Variants in PRKCQ observed in about 807,000 individuals in gnomAD.
The protein encoded by PRKCQ is protein kinase C theta.
PRKCQ carries 41 observed loss-of-function variants against 91.2 expected under a neutral mutation model. That is an observed-to-expected ratio of 0.45 (90% confidence interval 0.35 to 0.58). The LOEUF (loss-of-function observed/expected upper bound fraction) is 0.58. Ranked by LOEUF, PRKCQ falls within the 20% of genes least tolerant of loss-of-function variation. The pLI is 0.00. For missense variants in PRKCQ, 673 were observed against 896.5 expected (o/e 0.75, Z 3.18); for synonymous variants, 307 against 316.9 (o/e 0.97, Z 0.33).
chr10:6,502,974 C>T (rs184738841), intron 4 of PRKCQ, among the ~76,000 whole-genome samples: 324 of 152,250 alleles, frequency 2.1e-3, no homozygotes, highest in Non-Finnish European at 3.2e-3. Flanking sequence ...GAGTCTGAAC[C>T]ATAGGAATGT....
At chr10:6,580,303 G>C (rs529889424), upstream of PRKCQ, 1 of 147,196 alleles carries the variant, frequency 6.8e-6, no homozygotes, top group Non-Finnish European at 1.5e-5. Flanking sequence ...GGCTGGCGGG[G>C]CTGGCGGGGC....
At chr10:6,572,071 T>C (rs1053838967) in intron 1 of PRKCQ, among the ~76,000 whole-genome samples, 3 of 152,190 alleles carry the variant, frequency 2.0e-5, no homozygotes, top group African/African-American at 7.2e-5. Context: ...TATGGGGCTT[T>C]CTGAATGACT....
At chr10:6,511,394 T>C (rs1389805032) in intron 2 of PRKCQ, among the ~76,000 whole-genome samples, 200 bp from the exon 3 acceptor site, 2 of 152,204 alleles carry the variant, frequency 1.3e-5, no homozygotes. Flanking sequence ...AGGTGATGCA[T>C]TGAACCTTAT....
At chr10:6,467,321 CAGAGAGAGACAGACAGAGAGAGAGAG>C (rs1835711837) in intron 12 of PRKCQ, among the ~76,000 whole-genome samples, 1 of 97,344 alleles carries the variant, frequency 1.0e-5, no homozygotes, top group Non-Finnish European at 2.1e-5. Flanking sequence ...GAGAGAGAGA[CAGAGAGAGACAGACAGAGAGAGAGAG>C]AGAGAGAGAC....
intron 8 of PRKCQ, chr10:6,489,257 C>G (rs1214209145): frequency 2.3e-6 from 1 of 431,812 alleles, no homozygotes; most frequent in African/African-American, 2.1e-5. Context: ...AGGTTGTCAG[C>G]TAGGATTGAA....
intron 1 of PRKCQ, among the ~76,000 whole-genome samples, chr10:6,536,259 C>T (rs1839579704): frequency 2.0e-5 from 3 of 152,170 alleles, no homozygotes; most frequent in African/African-American, 7.2e-5. Context: ...AGGGGTATAA[C>T]CCCCAGGGTG....
chr10:6,547,800 A>G (rs11259503), intron 1 of PRKCQ, among the ~76,000 whole-genome samples: 15,241 of 151,550 alleles, frequency 0.1, 1,040 homozygotes, highest in Admixed American at 0.15. Context: ...CCTAGGCATT[A>G]CCATTCAGGA....
chr10:6,540,376 A>G (rs1344189874), intron 1 of PRKCQ, among the ~76,000 whole-genome samples: 1 of 152,094 alleles, frequency 6.6e-6, no homozygotes, highest in Admixed American at 6.5e-5. Context: ...TCCCCATTCA[A>G]CACTAACGCC....
At chr10:6,423,199 G>A (rs182587838), downstream of PRKCQ, among the ~76,000 whole-genome samples, 212 of 152,282 alleles carry the variant, frequency 1.4e-3, no homozygotes, top group African/African-American at 4.6e-3. Context: ...AGGAGAGAAT[G>A]AGCAAAAGCC....
intron 1 of PRKCQ, among the ~76,000 whole-genome samples, chr10:6,538,922 C>T (rs2130912975): frequency 6.6e-6 from 1 of 152,244 alleles, no homozygotes; most frequent in East Asian, 1.9e-4. Context: ...CCCCACCACG[C>T]CCAGCTAATT....
At chr10:6,470,181 A>G (rs1254548887) in intron 12 of PRKCQ, among the ~76,000 whole-genome samples, 1 of 152,102 alleles carries the variant, frequency 6.6e-6, no homozygotes, top group Non-Finnish European at 1.5e-5. Context: ...CACCACATTA[A>G]ATATATGATC....
At chr10:6,462,255 C>G in intron 14 of PRKCQ, 48 bp downstream of exon 14, 1 of 1,538,472 alleles carries the variant, frequency 6.5e-7, no homozygotes, top group Non-Finnish European at 9.0e-7. Context: ...ATTAACTGAG[C>G]CAGGAAAGCC....
Position 6,491,801 on chromosome 10 carries a change from C to T in PRKCQ, c.672G>A (p.Glu224=). ...TGTGTGGCATGTCAATTTTGAATCTCTCCTTGTGGAACTGAAAGAAAGGCA... is the reference window on the plus strand; with the variant it reads ...TGTGTGGCATGTCAATTTTGAATCTTTCCTTGTGGAACTGAAAGAAAGGCA... ...INSRETMFHK[E]RFKIDMPHRF... The change falls in exon 8 of 18, where the codon GAG becomes GAA. Residue 224 remains glutamate (E), a synonymous_variant. Coordinates refer to ENST00000263125, the MANE Select transcript of PRKCQ (RefSeq NM_006257.5). The T allele has an allele frequency of 6.2e-7, 1 of 1,614,186 alleles. No homozygotes were observed.
At chr10:6,428,764 T>G (rs1833257818) in intron 17 of PRKCQ, among the ~76,000 whole-genome samples, 1 of 152,002 alleles carries the variant, frequency 6.6e-6, no homozygotes, top group Non-Finnish European at 1.5e-5. Context: ...TGAGGGGGTG[T>G]GAGCGGAGGG....
At chr10:6,486,221 C>A (rs1207752174) in intron 8 of PRKCQ, 77 bp from the exon 9 acceptor site, 5 of 1,243,272 alleles carry the variant, frequency 4.0e-6, no homozygotes, top group Non-Finnish European at 5.8e-6. Context: ...GGAGGTAAGA[C>A]AGAGCCTTGC....
At position 6,478,977 on chromosome 10, in the gene PRKCQ, G is replaced by C. The variant is rs771334076; in HGVS notation, c.1353+15C>G. The C allele has an allele frequency of 6.2e-7, 1 of 1,613,512 alleles. No homozygotes were observed. Among genetic ancestry groups the C allele is most frequent in the Non-Finnish European group, 8.5e-7 (1 of 1,179,606 alleles). Reference sequence around the variant, plus strand: ...GGTTAGAGGGGAGGTAGGGTTGTCGGAGCAGAAGCCATACCTTGGTCTGGA... The same window carrying C: ...GGTTAGAGGGGAGGTAGGGTTGTCGCAGCAGAAGCCATACCTTGGTCTGGA... On this transcript the variant is annotated intron_variant, in intron 12 of 17. Coordinates refer to ENST00000263125, the MANE Select transcript of PRKCQ (RefSeq NM_006257.5).
Position 6,486,070 on chromosome 10 carries a change from C to A in PRKCQ, c.865G>T (p.Ala289Ser), listed in dbSNP as rs1447344958. The change falls in exon 9 of 18, where the codon GCT (alanine) becomes TCT (serine). Residue 289 changes from alanine to serine, a missense_variant. Coordinates refer to ENST00000263125, the MANE Select transcript of PRKCQ (RefSeq NM_006257.5). ...CTCTCAATCATGGCCAGCGCTTCAG[C>A]CATTAGCTTCTGGTTTATGCCACAA... ...NLCGINQKLM[A>S]EALAMIESTQ... 6.2e-7 allele frequency: 1 copy of A among 1,614,024 alleles called. No homozygotes were observed. The highest frequency in any genetic ancestry group is 8.5e-7 in the Non-Finnish European group (1 of 1,180,042).
chr10:6,510,755 T>A lies in PRKCQ; in HGVS notation c.318+240A>T, dbSNP rs558047980. 4.6e-5 allele frequency among the ~76,000 whole-genome samples: 7 copies of A among 152,256 alleles called. No individual in the cohort carries two copies. In the South Asian group the frequency reaches 8.3e-4, roughly 18 times the overall value. On this transcript the variant is annotated intron_variant, in intron 3 of 17. Transcript: ENST00000263125. Reference sequence around the variant, plus strand: ...AACAGTTTTAAATAATTTATCATAGTCTAAGAGACTTTCTACATCTCTTTG... The same window carrying A: ...AACAGTTTTAAATAATTTATCATAGACTAAGAGACTTTCTACATCTCTTTG...
chr10:6,456,888 G>T, intron 14 of PRKCQ, 76 bp from the exon 15 acceptor site: 1 of 1,510,414 alleles, frequency 6.6e-7, no homozygotes. Context: ...AGGAGGCGAG[G>T]GAGTTTGTCT....
Sources: allele counts gnomAD v4.1 joint callset (sites outside exome capture counted in the v4.1 genomes callset), GRCh38; gene constraint gnomAD v4.1.1; transcripts MANE v1.5; gene names NCBI Gene and HGNC (gene_info 2026-07-23, HGNC 2026-07-21).